The following CDKL5 variants were observed in gnomAD, a reference collection of about 807,000 sequenced individuals.
CDKL5 encodes cyclin dependent kinase like 5.
Under a neutral mutation model 61.7 loss-of-function variants are expected in CDKL5, and 8 were observed. The ratio of observed to expected loss-of-function variants is 0.13; its 90% CI spans 0.08 to 0.23. The LOEUF (loss-of-function observed/expected upper bound fraction) is 0.23. Among genes scored for constraint, CDKL5 ranks in the 10% least tolerant of loss-of-function variants. CDKL5 has a pLI of 1.00. For missense variants in CDKL5, 440 were observed against 734.5 expected (o/e 0.60, Z 4.63); for synonymous variants, 275 against 272.3 (o/e 1.01, Z -0.10).
intron 3 of CDKL5, among the ~76,000 whole-genome samples, chrX:18,558,159 C>A (rs1924669928): frequency 9.0e-6 from 1 of 110,986 alleles, no homozygotes; most frequent in African/African-American, 3.3e-5. Flanking sequence ...AAGGGTGAGG[C>A]ATGGAATTAT....
At chrX:18,497,671 A>G (rs1030191173) in intron 1 of CDKL5, among the ~76,000 whole-genome samples, 3 of 111,849 alleles carry the variant, frequency 2.7e-5, no homozygotes, top group South Asian at 3.7e-4. Flanking sequence ...TACATTAAAC[A>G]TAAGTATATA....
intron 1 of CDKL5, among the ~76,000 whole-genome samples, chrX:18,446,372 CAAAAA>C (rs1294696081): frequency 9.2e-6 from 1 of 108,885 alleles, no homozygotes; most frequent in African/African-American, 3.3e-5. Flanking sequence ...AACAAAAAAA[CAAAAA>C]AACAAAACTG....
At chrX:18,448,932 T>G (rs1035157438) in intron 1 of CDKL5, among the ~76,000 whole-genome samples, 1 of 112,313 alleles carries the variant, frequency 8.9e-6, no homozygotes, top group African/African-American at 3.2e-5. Flanking sequence ...CTCAGCTCAC[T>G]GCAACCTCTG....
chrX:18,615,899 A>G (rs1162096986), intron 15 of CDKL5, among the ~76,000 whole-genome samples: 1 of 112,411 alleles, frequency 8.9e-6, no homozygotes, highest in African/African-American at 3.2e-5. Context: ...TGATATCCAG[A>G]GCTGTTATTC....
rs1298939476 is a variant in CDKL5, at chrX:18,629,606, CTG to C, written c.*851_*852del. 1 of 751,087 alleles carries C rather than the reference CTG, an allele frequency of 1.3e-6. No individual in the cohort carries two copies. Among genetic ancestry groups the C allele is most frequent in the Non-Finnish European group, 1.6e-6 (1 of 637,989 alleles). The allele number at this position is 751,087 out of a possible 1,213,427, so 61.9% of individuals were successfully genotyped here. On this transcript the variant is annotated 3_prime_UTR_variant, in exon 18 of 18. Coordinates refer to ENST00000623535, the MANE Select transcript of CDKL5 (RefSeq NM_001323289.2). ...GGAGTTGAATTGTGGCTACACGTGA[CTG>C]TAACAGTATGAACCTTGCTCAACTT...
chrX:18,559,294 T>C (rs1431587195), intron 3 of CDKL5, among the ~76,000 whole-genome samples: 1 of 111,815 alleles, frequency 8.9e-6, no homozygotes, highest in Non-Finnish European at 1.9e-5. Flanking sequence ...CTGCAACCTC[T>C]GCCTCCTGGG....
At chrX:18,468,189 T>A (rs993152101) in intron 1 of CDKL5, among the ~76,000 whole-genome samples, 1 of 111,886 alleles carries the variant, frequency 8.9e-6, no homozygotes, top group African/African-American at 3.2e-5. Context: ...ATAATTATAA[T>A]CAGCAAATGA....
chrX:18,472,398 C>G (rs1336539115), intron 1 of CDKL5, among the ~76,000 whole-genome samples: 1 of 111,742 alleles, frequency 8.9e-6, no homozygotes, highest in Non-Finnish European at 1.9e-5. Flanking sequence ...AATTCCAGGC[C>G]AGATAATATC....
At position 18,653,446 on chromosome X, in the gene CDKL5, G is replaced by A. The variant is rs35693326; in HGVS notation, c.2995G>A (p.Val999Met). 6,829 of 1,209,251 alleles carry A rather than the reference G, an allele frequency of 5.6e-3. 257 individuals carry two copies. The African/African-American group carries it at 0.1, about 18-fold the overall frequency. The change falls in exon 22 of 22, where the codon GTG becomes ATG. Residue 999 changes from valine (V) to methionine (M), a missense_variant. Coordinates refer to the CDKL5 transcript ENST00000379989. ...GTGCTTTCCAGGGTTCTCTTTCTTC[G>A]TGAGACACGTTATGAGGGAAGCCCT...
chrX:18,586,166 T>G (rs1925639010), intron 8 of CDKL5, among the ~76,000 whole-genome samples: 1 of 111,921 alleles, frequency 8.9e-6, no homozygotes, highest in South Asian at 3.7e-4. Flanking sequence ...TTCCATTGTG[T>G]AGGCAGAGTT....
chrX:18,508,005 A>G (rs1286874288), intron 2 of CDKL5, among the ~76,000 whole-genome samples: 1 of 111,357 alleles, frequency 9.0e-6, no homozygotes, highest in Non-Finnish European at 1.9e-5. Flanking sequence ...ATATGATGTC[A>G]TTTTGTATAA....
At chrX:18,469,262 C>T (rs1169275207) in intron 1 of CDKL5, among the ~76,000 whole-genome samples, 11 of 100,786 alleles carry the variant, frequency 1.1e-4, no homozygotes, top group African/African-American at 4.1e-4. Context: ...TTGCTTGAAC[C>T]TGGGAGGCAG....
At chrX:18,472,373 C>T (rs1315547363) in intron 1 of CDKL5, among the ~76,000 whole-genome samples, 1 of 111,871 alleles carries the variant, frequency 8.9e-6, no homozygotes, top group African/African-American at 3.3e-5. Context: ...TAAAGTTTTA[C>T]AATCCCAGTA....
rs1247008690 is a variant in CDKL5, at chrX:18,621,051, G to A, written c.2376+1085G>A. On this transcript the variant is annotated intron_variant, in intron 16 of 17. Coordinates refer to ENST00000623535, the MANE Select transcript of CDKL5 (RefSeq NM_001323289.2). ...CTGGCCTAGTTAGCCATTTTGAATG[G>A]TTTTGGTTCTAGTTTTACTTCATAC... 6.2e-5 allele frequency among the ~76,000 whole-genome samples: 7 copies of A among 112,167 alleles called. No homozygotes were observed. In the South Asian group the frequency reaches 2.6e-3, roughly 42 times the overall value.
At chrX:18,646,837 A>G (rs1336379854) in intron 20 of CDKL5, among the ~76,000 whole-genome samples, 1 of 112,072 alleles carries the variant, frequency 8.9e-6, no homozygotes. Flanking sequence ...CCCTGGCTGC[A>G]TGGATGAGGT....
At chrX:18,480,642 ATTTAC>A (rs1921511226) in intron 1 of CDKL5, among the ~76,000 whole-genome samples, 1 of 110,902 alleles carries the variant, frequency 9.0e-6, no homozygotes, top group Admixed American at 9.6e-5. Flanking sequence ...TGACTCTCTC[ATTTAC>A]TTATTTAAAA....
intron 20 of CDKL5, among the ~76,000 whole-genome samples, chrX:18,648,534 C>T (rs966923221): frequency 9.0e-6 from 1 of 111,471 alleles, no homozygotes; most frequent in Non-Finnish European, 1.9e-5. Context: ...TGAGCCATCA[C>T]ACCCAGCCTC....
In CDKL5 at chrX:18,625,217, C is replaced by G. The variant is rs146488512; in HGVS notation, c.2466C>G (p.Arg822=). 1.2e-4 allele frequency: 146 copies of G among 1,206,133 alleles called. No homozygotes were observed. The African/African-American group carries it at 2.5e-3, about 20-fold the overall frequency. The part of the protein sequence containing the change: ...STPSSRPKEW[R]PEKISDLQTQ... ...CAAGCAGCAGACCAAAGGAGTGGCG[C>G]CCCGAGAAGATCTCAGATCTGCAGA... is the stretch of plus-strand genomic sequence containing the variant. Residue 822 remains arginine, a synonymous_variant, in exon 17 of 18, where the codon CGC becomes CGG. Coordinates refer to ENST00000623535, the MANE Select transcript of CDKL5 (RefSeq NM_001323289.2).
chrX:18,426,683 A>G (rs1042012319), intron 1 of CDKL5: 8 of 112,646 alleles, frequency 7.1e-5, no homozygotes, highest in African/African-American at 2.6e-4. Flanking sequence ...TTGACACCGA[A>G]TGATTTCTTT....
Sources: allele counts gnomAD v4.1 joint callset (sites outside exome capture counted in the v4.1 genomes callset), GRCh38; gene constraint gnomAD v4.1.1; transcripts MANE v1.5; gene names NCBI Gene and HGNC (gene_info 2026-07-23, HGNC 2026-07-21).